GNA14: variants seen among roughly 807,000 people sequenced by gnomAD.
The protein encoded by GNA14 is G protein subunit alpha 14.
In GNA14, 50 loss-of-function variants were observed where a neutral mutation model predicts 42.0. That is an observed-to-expected ratio of 1.19 (90% CI 0.95 to 1.51). The LOEUF is 1.51. GNA14 is among the 40% of genes most tolerant of loss of function. GNA14 has a pLI of 0.00. For synonymous variants in GNA14, 173 were observed against 163.1 expected (o/e 1.06, Z -0.46); for missense variants, 473 against 446.2 (o/e 1.06, Z -0.54).
Position 77,587,016 on chromosome 9 carries a change from G to C in GNA14, c.125-57763C>G, listed in dbSNP as rs1443098126. 2.7e-5 allele frequency among the ~76,000 whole-genome samples: 4 copies of C among 150,602 alleles called. No homozygotes were observed. In the East Asian group the frequency reaches 7.8e-4, roughly 29 times the overall value. On this transcript the variant is annotated intron_variant, in intron 1 of 6. Transcript: ENST00000341700. ...TTAATAGAAAATAAATGATTTGGGGGCTGCTTTTTATTAAAGGAAAATCTT... is the reference window on the plus strand; with the variant it reads ...TTAATAGAAAATAAATGATTTGGGGCCTGCTTTTTATTAAAGGAAAATCTT...
intron 1 of GNA14, among the ~76,000 whole-genome samples, chr9:77,596,078 T>C (rs1235796729): frequency 1.3e-5 from 2 of 152,024 alleles, no homozygotes; most frequent in Non-Finnish European, 2.9e-5. Context: ...AAAAAACATC[T>C]GGCATCACAC....
At chr9:77,426,855 G>A (rs1372661135) in intron 5 of GNA14, among the ~76,000 whole-genome samples, 1 of 152,142 alleles carries the variant, frequency 6.6e-6, no homozygotes, top group Non-Finnish European at 1.5e-5. Context: ...AGGGAGGGAA[G>A]GGATCACAGT....
intron 2 of GNA14, among the ~76,000 whole-genome samples, chr9:77,508,925 G>C (rs562366360): frequency 5.9e-5 from 9 of 152,118 alleles, no homozygotes; most frequent in Non-Finnish European, 8.8e-5. Context: ...TAAGAACTTA[G>C]TGAGGGTATT....
At chr9:77,620,102 GCACA>G (rs144037214) in intron 1 of GNA14, among the ~76,000 whole-genome samples, 8 of 150,776 alleles carry the variant, frequency 5.3e-5, no homozygotes, top group East Asian at 3.9e-4. Context: ...ACACACACGT[GCACA>G]CACACACACA....
At chr9:77,450,156 C>G (rs143535757) in intron 2 of GNA14, among the ~76,000 whole-genome samples, 20 of 152,242 alleles carry the variant, frequency 1.3e-4, no homozygotes, top group African/African-American at 4.1e-4. Context: ...AATAAATTGC[C>G]CTTTTCTGTC....
intron 1 of GNA14, among the ~76,000 whole-genome samples, chr9:77,635,567 A>G (rs1242124504): frequency 6.6e-6 from 1 of 152,206 alleles, no homozygotes; most frequent in African/African-American, 2.4e-5. Context: ...CTGGTAAGGA[A>G]AAAAGAGAGA....
chr9:77,425,649 A>C lies in GNA14; in HGVS notation c.790T>G (p.Ser264Ala). The C allele has an allele frequency of 1.2e-6, 2 of 1,608,754 alleles. No homozygotes were observed. Among genetic ancestry groups the C allele is most frequent in the Non-Finnish European group, 1.7e-6 (2 of 1,175,132 alleles). The change falls in exon 6 of 7, where the codon TCT becomes GCT. Residue 264 changes from serine to alanine, a missense_variant. Transcript: ENST00000341700. Reference sequence around the variant, plus strand: ...TTCTTGTTCAAGAATAAAATCACAGACGAATTCAGAAACCAGGGGTAGGTG... The same window carrying C: ...TTCTTGTTCAAGAATAAAATCACAGCCGAATTCAGAAACCAGGGGTAGGTG... ...IITYPWFLNSSVILFLNKKDL... is the reference protein window; with the variant it reads ...IITYPWFLNSAVILFLNKKDL...
intron 1 of GNA14, among the ~76,000 whole-genome samples, chr9:77,571,408 T>TAA (rs143765727): frequency 0.019 from 2,953 of 152,298 alleles, 75 homozygotes; most frequent in African/African-American, 0.064. Flanking sequence ...AAGAATATCT[T>TAA]AAATCAATGC....
intron 1 of GNA14, among the ~76,000 whole-genome samples, chr9:77,559,958 A>G (rs1191539908): frequency 6.6e-6 from 1 of 152,194 alleles, no homozygotes; most frequent in East Asian, 1.9e-4. Context: ...GCTTTAGACC[A>G]GAAGTTGATT....
At chr9:77,615,702 TAC>T (rs59087574) in intron 1 of GNA14, among the ~76,000 whole-genome samples, 45,130 of 132,992 alleles carry the variant, frequency 0.34, 7,702 homozygotes, top group Non-Finnish European at 0.42. Flanking sequence ...GAAAATGAAA[TAC>T]ACACACACAC....
intron 2 of GNA14, among the ~76,000 whole-genome samples, chr9:77,521,541 T>A (rs374103565): frequency 1.4e-4 from 21 of 152,326 alleles, no homozygotes; most frequent in East Asian, 7.7e-4. Flanking sequence ...TAAGAAATTC[T>A]CCTGGAAATT....
intron 1 of GNA14, among the ~76,000 whole-genome samples, chr9:77,608,294 T>C (rs1823670634): frequency 6.6e-6 from 1 of 152,228 alleles, no homozygotes; most frequent in African/African-American, 2.4e-5. Context: ...TCAATGGATT[T>C]TGAATGTGCA....
At position 77,529,112 on chromosome 9, in the gene GNA14, G is replaced by A. The variant is rs200412173; in HGVS notation, c.266C>T (p.Ala89Val). The change falls in exon 2 of 7, where the codon GCG becomes GTG. Residue 89 changes from alanine (A) to valine (V), a missense_variant. Ala to Val is a moderately conservative substitution (Grantham distance 64, BLOSUM62 0). Transcript: ENST00000341700. ...ATACTGTATCCTTAGCGTGTCCATC[G>A]CTCTGATCATGGCTTGCATGGCGGT... Reference protein sequence around the residue: ...IFTAMQAMIRAMDTLRIQYVC... With the variant: ...IFTAMQAMIRVMDTLRIQYVC... The A allele has an allele frequency of 2.0e-5, 32 of 1,614,110 alleles. No individual in the cohort carries two copies. The highest frequency in any genetic ancestry group is 2.1e-5 in the Non-Finnish European group (25 of 1,179,984).
intron 1 of GNA14, among the ~76,000 whole-genome samples, chr9:77,643,934 C>T (rs1485422293): frequency 6.6e-6 from 1 of 152,142 alleles, no homozygotes; most frequent in Admixed American, 6.5e-5. Context: ...ATTTAGTCCA[C>T]AGCTAAGACA....
At chr9:77,460,444 G>A (rs1836084519) in intron 2 of GNA14, among the ~76,000 whole-genome samples, 1 of 152,212 alleles carries the variant, frequency 6.6e-6, no homozygotes, top group Non-Finnish European at 1.5e-5. Context: ...CTGACTGCTG[G>A]CCTCCTGACC....
At chr9:77,463,896 A>G (rs934338846) in intron 2 of GNA14, among the ~76,000 whole-genome samples, 6 of 151,888 alleles carry the variant, frequency 4.0e-5, no homozygotes, top group Admixed American at 3.3e-4. Flanking sequence ...CCTCTCTCTT[A>G]TGTAATTGCT....
At chr9:77,637,843 C>A (rs926788307) in intron 1 of GNA14, among the ~76,000 whole-genome samples, 1 of 152,112 alleles carries the variant, frequency 6.6e-6, no homozygotes, top group African/African-American at 2.4e-5. Context: ...ACAGAGAGTA[C>A]CAGGAGCAGG....
intron 2 of GNA14, among the ~76,000 whole-genome samples, chr9:77,473,508 A>C (rs1261400654): frequency 6.6e-6 from 1 of 152,068 alleles, no homozygotes; most frequent in Non-Finnish European, 1.5e-5. Context: ...GAATGGAAAA[A>C]CATCCCACAT....
At chr9:77,467,456 A>G (rs1485048886) in intron 2 of GNA14, among the ~76,000 whole-genome samples, 2 of 150,990 alleles carry the variant, frequency 1.3e-5, no homozygotes, top group African/African-American at 2.4e-5. Context: ...GGTGAACATC[A>G]TCTCAGGAAG....
Sources: allele counts gnomAD v4.1 joint callset (sites outside exome capture counted in the v4.1 genomes callset), GRCh38; gene constraint gnomAD v4.1.1; transcripts MANE v1.5; gene names NCBI Gene and HGNC (gene_info 2026-07-23, HGNC 2026-07-21).